The following DHX32 variants were observed in gnomAD, a reference collection of about 807,000 sequenced individuals.
The protein encoded by DHX32 is DEAH-box helicase 32 (putative).
A neutral mutation model predicts 70.0 loss-of-function variants in DHX32; 51 were observed. The ratio of observed to expected loss-of-function variants is 0.73; its 90% CI spans 0.58 to 0.92. DHX32 has a LOEUF of 0.92. Ranked by LOEUF, DHX32 falls within the 40% of genes least tolerant of loss-of-function variation. DHX32 has a pLI of 0.00. For synonymous variants in DHX32, 310 were observed against 315.3 expected (o/e 0.98, Z 0.18); for missense variants, 762 against 891.8 (o/e 0.85, Z 1.85).
chr10:125,849,675 C>T (rs923891263), intron 6 of DHX32, among the ~76,000 whole-genome samples: 6 of 152,192 alleles, frequency 3.9e-5, no homozygotes, highest in African/African-American at 1.4e-4. Flanking sequence ...ATGGGGAGGG[C>T]CACATGTGAG....
chr10:125,858,721 T>A (rs1486174535), intron 3 of DHX32, among the ~76,000 whole-genome samples: 1 of 152,140 alleles, frequency 6.6e-6, no homozygotes, highest in Non-Finnish European at 1.5e-5. Context: ...CCACTACATA[T>A]ATGGGTCATG....
chr10:125,841,103 T>C, intron 7 of DHX32, 107 bp from the exon 8 acceptor site: 1 of 1,404,354 alleles, frequency 7.1e-7, no homozygotes, highest in Non-Finnish European at 9.7e-7. Flanking sequence ...GCTCCTGTCT[T>C]GGTACTCTGA....
chr10:125,847,115 A>T (rs1430068779), intron 6 of DHX32, among the ~76,000 whole-genome samples: 4 of 152,176 alleles, frequency 2.6e-5, no homozygotes, highest in Non-Finnish European at 5.9e-5. Flanking sequence ...ACACATTTGC[A>T]TAATGCCAGC....
chr10:125,895,837 G>A (rs934841307), intron 1 of DHX32, among the ~76,000 whole-genome samples: 5 of 151,690 alleles, frequency 3.3e-5, no homozygotes, highest in African/African-American at 1.2e-4. Context: ...CGTGCTCCTG[G>A]CTCTCGCGAT....
chr10:125,855,741 C>T (rs1027848849), intron 3 of DHX32, among the ~76,000 whole-genome samples: 2 of 152,330 alleles, frequency 1.3e-5, no homozygotes, highest in East Asian at 1.9e-4. Context: ...TAAGCCACCG[C>T]ACCTGGCCCA....
At chr10:125,893,068 C>G (rs1459670117) in intron 1 of DHX32, among the ~76,000 whole-genome samples, 4 of 152,216 alleles carry the variant, frequency 2.6e-5, no homozygotes, top group Non-Finnish European at 5.9e-5. Flanking sequence ...CAAGATCCAT[C>G]CATATGAGAT....
chr10:125,849,806 A>G (rs1478850424), intron 6 of DHX32, among the ~76,000 whole-genome samples: 1 of 152,188 alleles, frequency 6.6e-6, no homozygotes, highest in Non-Finnish European at 1.5e-5. Context: ...CCAAATCTTG[A>G]GTTTCCAAGT....
At chr10:125,852,148 C>G in intron 6 of DHX32, 145 bp downstream of exon 6, 1 of 1,001,660 alleles carries the variant, frequency 1.0e-6, no homozygotes, top group Non-Finnish European at 1.4e-6. Context: ...ATGTTTACCT[C>G]TAGCAGGAAA....
chr10:125,841,780 A>G lies in DHX32; in HGVS notation c.1506T>C (p.Cys502=). ...KSILASCEFD[C]VDEVLTIAAM... ...CTGCGATTGTTAGCACTTCATCTAC[A>G]CAGTCAAATTCACAGGACGCTAAGA... The change falls in exon 7 of 11, where the codon TGT becomes TGC. Residue 502 remains cysteine (C), a synonymous_variant. Coordinates refer to ENST00000284690, the MANE Select transcript of DHX32 (RefSeq NM_018180.3). 1.9e-6 allele frequency: 3 copies of G among 1,612,948 alleles called. No homozygotes were observed. Among genetic ancestry groups the G allele is most frequent in the African/African-American group, 1.3e-5 (1 of 74,992 alleles).
At chr10:125,851,855 A>G (rs538163947) in intron 6 of DHX32, among the ~76,000 whole-genome samples, 1 of 139,208 alleles carries the variant, frequency 7.2e-6, no homozygotes, top group Non-Finnish European at 1.5e-5. Flanking sequence ...TGTGAGGTGG[A>G]GGTTGCAGTG....
chr10:125,836,627 C>T lies in DHX32; in HGVS notation c.*60G>A. 6.3e-7 allele frequency: 1 copy of T among 1,576,706 alleles called. No homozygotes were observed. Among genetic ancestry groups the T allele is most frequent in the Non-Finnish European group, 8.6e-7 (1 of 1,157,912 alleles). ...CTTCGCGTCATGTATCTCCCATATC[C>T]AGCAGTTCAGCCATCCAGCTACCTT... On this transcript the variant is annotated 3_prime_UTR_variant, in exon 11 of 11. Coordinates refer to ENST00000284690, the MANE Select transcript of DHX32 (RefSeq NM_018180.3).
intron 1 of DHX32, among the ~76,000 whole-genome samples, chr10:125,895,216 C>T (rs1944442154): frequency 2.0e-5 from 3 of 152,164 alleles, no homozygotes; most frequent in African/African-American, 7.2e-5. Context: ...CTCAATGATT[C>T]CCTAAGAGGA....
rs148364188 is a variant in DHX32 at position 125,873,952 on chromosome 10, C to T, written c.282+6591G>A. 1.9e-3 allele frequency among the ~76,000 whole-genome samples: 282 copies of T among 152,276 alleles called. 2 individuals are homozygous for T. The highest frequency in any genetic ancestry group is 6.4e-3 in the African/African-American group (266 of 41,570). Reference sequence around the variant, plus strand: ...TTTTCATATCTTTTCATATCTTTTTCACCTCACTGACCCATCCATTCATGG... The same window carrying T: ...TTTTCATATCTTTTCATATCTTTTTTACCTCACTGACCCATCCATTCATGG... On this transcript the variant is annotated intron_variant, in intron 1 of 10. Coordinates refer to ENST00000284690, the MANE Select transcript of DHX32 (RefSeq NM_018180.3).
chr10:125,867,913 G>C (rs1944233245), intron 1 of DHX32, among the ~76,000 whole-genome samples: 1 of 152,072 alleles, frequency 6.6e-6, no homozygotes, highest in African/African-American at 2.4e-5. Flanking sequence ...ATTATAGATA[G>C]CATTTAGATA....
intron 3 of DHX32, among the ~76,000 whole-genome samples, chr10:125,857,935 T>C (rs1944159201): frequency 1.3e-5 from 2 of 150,922 alleles, no homozygotes; most frequent in African/African-American, 4.9e-5. Context: ...GGTCTTGCTC[T>C]GTCACCCAGG....
upstream of DHX32, among the ~76,000 whole-genome samples, chr10:125,881,506 C>A (rs1589718407): frequency 6.6e-6 from 1 of 152,154 alleles, no homozygotes; most frequent in East Asian, 1.9e-4. Flanking sequence ...ACAGGAAAAT[C>A]TATTATTAAG....
At chr10:125,857,283 A>G (rs781592280) in intron 3 of DHX32, among the ~76,000 whole-genome samples, 2 of 152,246 alleles carry the variant, frequency 1.3e-5, no homozygotes, top group African/African-American at 4.8e-5. Context: ...GGAAAACCAG[A>G]TAACACCTGT....
At chr10:125,854,364 G>T (rs896587674) in intron 3 of DHX32, 161 bp from the exon 4 acceptor site, 2 of 533,530 alleles carry the variant, frequency 3.7e-6, no homozygotes, top group Non-Finnish European at 5.9e-6. Flanking sequence ...AAGTAAAGAT[G>T]CACCTAAATG....
chr10:125,854,065 G>A lies in DHX32; in HGVS notation c.988C>T (p.Gln330Ter). ...KPLDETEKRCQVYQRRVVLTT... is the reference protein window; with the variant it reads ...KPLDETEKRC ...AACACCACTCTTCTTTGATAAACTTGGCATCTTTTTTCTGTTTCATCGAGT... is the reference window on the plus strand; with the variant it reads ...AACACCACTCTTCTTTGATAAACTTAGCATCTTTTTTCTGTTTCATCGAGT... The change falls in exon 4 of 11, where the codon CAA becomes TAA. Residue 330 changes from glutamine (Q) to a stop codon, truncating the protein, a stop_gained. Transcript: ENST00000284690. LOFTEE classifies it high-confidence loss of function. The A allele has an allele frequency of 6.2e-7, 1 of 1,613,982 alleles. No homozygotes were observed. The highest frequency in any genetic ancestry group is 8.5e-7 in the Non-Finnish European group (1 of 1,179,986).
Sources: allele counts gnomAD v4.1 joint callset (sites outside exome capture counted in the v4.1 genomes callset), GRCh38; gene constraint gnomAD v4.1.1; transcripts MANE v1.5; gene names NCBI Gene and HGNC (gene_info 2026-07-23, HGNC 2026-07-21).